USP8: variants seen among roughly 807,000 people sequenced by gnomAD.
USP8 encodes the protein ubiquitin carboxyl-terminal hydrolase 8.
Under a neutral mutation model 130.0 loss-of-function variants are expected in USP8, and 27 were observed. The observed-to-expected ratio is 0.21, with a 90% CI of 0.15 to 0.29. The LOEUF (loss-of-function observed/expected upper bound fraction) is 0.29, where lower values mean the gene tolerates loss of function less well. Among genes scored for constraint, USP8 ranks in the 10% least tolerant of loss-of-function variants. The probability of loss-of-function intolerance (pLI) is 1.00; values close to 1 mark genes in which losing one functional copy is unlikely to be tolerated. For synonymous variants in USP8, 392 were observed against 444.1 expected (o/e 0.88, Z 1.48); for missense variants, 1,029 against 1,312.2 (o/e 0.78, Z 3.33).
intron 12 of USP8, among the ~76,000 whole-genome samples, chr15:50,485,542 G>C (rs1342472488): frequency 1.2e-5 from 1 of 86,444 alleles, no homozygotes; most frequent in Non-Finnish European, 2.4e-5. Context: ...TTAGCATGCA[G>C]TTTAGTGATT....
chr15:50,439,957 A>G (rs2050202742), intron 2 of USP8, among the ~76,000 whole-genome samples: 1 of 152,126 alleles, frequency 6.6e-6, no homozygotes, highest in South Asian at 2.1e-4. Context: ...GCATGGTGGC[A>G]TAGGCCTATA....
At chr15:50,492,942 TA>T (rs1208982299) in intron 15 of USP8, 29 bp downstream of exon 15, 1 of 1,590,382 alleles carries the variant, frequency 6.3e-7, no homozygotes, top group Admixed American at 1.7e-5. Context: ...TTTTGCATTA[TA>T]ATGCTAAAAG....
chr15:50,497,954 G>C (rs1008181529), intron 18 of USP8, among the ~76,000 whole-genome samples: 37 of 152,128 alleles, frequency 2.4e-4, no homozygotes, highest in African/African-American at 8.7e-4. Flanking sequence ...TACATGTTCA[G>C]ATTTCTCTTG....
chr15:50,440,845 C>T (rs1369469506), intron 2 of USP8, among the ~76,000 whole-genome samples: 2 of 146,300 alleles, frequency 1.4e-5, no homozygotes, highest in African/African-American at 4.9e-5. Flanking sequence ...TCTACTAAAA[C>T]TAAAAAATTA....
intron 1 of USP8, among the ~76,000 whole-genome samples, chr15:50,425,108 T>C (rs1403214197): frequency 6.6e-6 from 1 of 152,196 alleles, no homozygotes; most frequent in African/African-American, 2.4e-5. Context: ...TGATGTGCAT[T>C]ATAAAGCTGC....
intron 15 of USP8, 54 bp from the exon 16 acceptor site, chr15:50,494,012 CCTTG>C (rs750617481): frequency 2.6e-5 from 41 of 1,567,890 alleles, no homozygotes; most frequent in Non-Finnish European, 3.4e-5. Flanking sequence ...ATCTACTGTA[CCTTG>C]CTTAACTTTT....
intron 7 of USP8, among the ~76,000 whole-genome samples, chr15:50,470,602 CTT>C (rs869062114): frequency 4.3e-4 from 57 of 132,334 alleles, no homozygotes; most frequent in South Asian, 9.9e-4. Context: ...AGGACTTTAG[CTT>C]TTTTTTTTTT....
intron 16 of USP8, 122 bp downstream of exon 16, chr15:50,494,402 A>T (rs944799434): frequency 1.6e-5 from 12 of 771,880 alleles, no homozygotes; most frequent in Non-Finnish European, 1.8e-5. Flanking sequence ...TCAAATAGTG[A>T]CTGTATAAGA....
chr15:50,471,905 T>C (rs1595952122), intron 8 of USP8, 110 bp downstream of exon 8: 1 of 1,028,228 alleles, frequency 9.7e-7, no homozygotes, highest in Admixed American at 2.7e-5. Flanking sequence ...ATCATGCCTT[T>C]TTTTTTTTTT....
At chr15:50,445,566 A>AAAAAAAAAAAAAAAAAC (rs2050405370) in intron 3 of USP8, among the ~76,000 whole-genome samples, 1 of 111,562 alleles carries the variant, frequency 9.0e-6, no homozygotes. Context: ...AAAAAAAAAA[A>AAAAAAAAAAAAAAAAAC]AAAGCCTGGG....
chr15:50,456,738 T>G (rs2050804078), intron 4 of USP8, among the ~76,000 whole-genome samples: 1 of 147,394 alleles, frequency 6.8e-6, no homozygotes, highest in South Asian at 2.2e-4. Context: ...ATGCAAAAAT[T>G]AGCTGGGCAC....
chr15:50,429,490 A>T (rs1233379465), intron 1 of USP8, among the ~76,000 whole-genome samples: 2 of 151,854 alleles, frequency 1.3e-5, no homozygotes, highest in Non-Finnish European at 2.9e-5. Flanking sequence ...TCTTATATTG[A>T]TGGTTCCCAG....
intron 4 of USP8, among the ~76,000 whole-genome samples, chr15:50,453,557 G>A (rs1020855501): frequency 2.0e-5 from 3 of 152,076 alleles, no homozygotes; most frequent in Non-Finnish European, 2.9e-5. Context: ...CTTGGTGAAC[G>A]TACCATGTGC....
chr15:50,438,880 A>G, intron 1 of USP8, 129 bp from the exon 2 acceptor site: 1 of 454,360 alleles, frequency 2.2e-6, no homozygotes, highest in Non-Finnish European at 3.9e-6. Flanking sequence ...CTCCTGAAAT[A>G]GATATTCTAA....
intron 3 of USP8, 96 bp downstream of exon 3, chr15:50,441,589 C>G: frequency 1.9e-6 from 2 of 1,057,170 alleles, no homozygotes; most frequent in Non-Finnish European, 2.7e-6. Context: ...TGAAATGTAG[C>G]TCAAATTATA....
intron 1 of USP8, among the ~76,000 whole-genome samples, chr15:50,438,625 T>C (rs1192949157): frequency 1.3e-5 from 2 of 152,056 alleles, no homozygotes; most frequent in Non-Finnish European, 2.9e-5. Flanking sequence ...ACTTAAAAAA[T>C]AAATGGATAT....
intron 8 of USP8, among the ~76,000 whole-genome samples, chr15:50,476,556 T>A (rs2051573982): frequency 6.6e-6 from 1 of 152,214 alleles, no homozygotes; most frequent in African/African-American, 2.4e-5. Flanking sequence ...AAGAGTAAAC[T>A]CCAGAATGTA....
rs549694466 is a variant in USP8 at position 50,455,013 on chromosome 15, T to C, written c.336-3987T>C. Among the ~76,000 whole-genome samples, 6 of 151,856 alleles carry C rather than the reference T, an allele frequency of 4.0e-5. 1 individual carries two copies. In the East Asian group the frequency reaches 9.8e-4, roughly 25 times the overall value. Reference sequence around the variant, plus strand: ...TGGTTCTCCCTTCAAATACTGACTCTTTACTTTGTCATCTCCAATTTTGTG... The same window carrying C: ...TGGTTCTCCCTTCAAATACTGACTCCTTACTTTGTCATCTCCAATTTTGTG... On this transcript the variant is annotated intron_variant, in intron 4 of 19. Transcript: ENST00000307179.
intron 4 of USP8, among the ~76,000 whole-genome samples, chr15:50,450,249 A>G (rs990162653): frequency 6.6e-6 from 1 of 152,058 alleles, no homozygotes; most frequent in Admixed American, 6.6e-5. Context: ...GAAAAATTCA[A>G]TTCTTCATAT....
Sources: allele counts gnomAD v4.1 joint callset (sites outside exome capture counted in the v4.1 genomes callset), GRCh38; gene constraint gnomAD v4.1.1; transcripts MANE v1.5; gene names NCBI Gene and HGNC (gene_info 2026-07-23, HGNC 2026-07-21).